The following ZNF521 variants were observed in gnomAD, a reference collection of about 807,000 sequenced individuals.
ZNF521 encodes the protein LYST-interacting protein 3.
In ZNF521, 14 loss-of-function variants were observed where a neutral mutation model predicts 105.5. The ratio of observed to expected loss-of-function variants is 0.13; its 90% CI spans 0.09 to 0.21. The LOEUF (loss-of-function observed/expected upper bound fraction) is 0.21, where lower values mean the gene tolerates loss of function less well. Among genes scored for constraint, ZNF521 ranks in the 10% least tolerant of loss-of-function variants. ZNF521 has a pLI of 1.00. For synonymous variants in ZNF521, 635 were observed against 606.0 expected (o/e 1.05, Z -0.70); for missense variants, 1,233 against 1,629.7 (o/e 0.76, Z 4.19).
chr18:25,300,052 G>C (rs1568064612), intron 3 of ZNF521, among the ~76,000 whole-genome samples: 1 of 152,142 alleles, frequency 6.6e-6, no homozygotes, highest in South Asian at 2.1e-4. Flanking sequence ...CTAAGCTTGG[G>C]CCTCAAGAGA....
chr18:25,344,085 CAT>C (rs762776174), intron 2 of ZNF521, among the ~76,000 whole-genome samples: 172 of 151,898 alleles, frequency 1.1e-3, no homozygotes, highest in Middle Eastern at 6.8e-3. Context: ...TTAAAGAATT[CAT>C]ATCTTACTGA....
intron 5 of ZNF521, among the ~76,000 whole-genome samples, chr18:25,168,316 T>C (rs1567991757): frequency 6.6e-6 from 1 of 152,218 alleles, no homozygotes; most frequent in Non-Finnish European, 1.5e-5. Flanking sequence ...CCTCAGTGCC[T>C]GCCTGGTTCC....
At chr18:25,088,557 G>A (rs774412878) in intron 7 of ZNF521, among the ~76,000 whole-genome samples, 18 of 151,870 alleles carry the variant, frequency 1.2e-4, no homozygotes, top group Non-Finnish European at 2.2e-4. Context: ...TCTCCTCCAC[G>A]GGAACCAATA....
intron 2 of ZNF521, chr18:25,345,305 A>G (rs1914412840): frequency 1.3e-5 from 2 of 152,244 alleles, no homozygotes; most frequent in South Asian, 2.1e-4. Context: ...CACTGCTGTC[A>G]GTAAGGATAA....
At chr18:25,242,258 C>T (rs567064138) in intron 3 of ZNF521, among the ~76,000 whole-genome samples, 3 of 152,258 alleles carry the variant, frequency 2.0e-5, no homozygotes, top group South Asian at 2.1e-4. Context: ...TCCACATCCC[C>T]GATCTCTTCT....
rs11875462 is a variant in ZNF521 at position 25,176,726 on chromosome 18, C to A, written c.3658+18434G>T. Among the ~76,000 whole-genome samples, 846 of 152,312 alleles carry A rather than the reference C, an allele frequency of 5.6e-3. 5 individuals carry two copies. The highest frequency in any genetic ancestry group is 0.019 in the African/African-American group (799 of 41,568). ...CTACAGGGGCTCCGAGGGATCGCAG[C>A]GTAGTGCAACAGATTACACCAGCTT... On this transcript the variant is annotated intron_variant, in intron 5 of 7. Coordinates refer to ENST00000361524, the MANE Select transcript of ZNF521 (RefSeq NM_015461.3).
At chr18:25,195,741 A>G (rs1467241407) in intron 4 of ZNF521, among the ~76,000 whole-genome samples, 5 of 151,786 alleles carry the variant, frequency 3.3e-5, no homozygotes, top group Admixed American at 2.0e-4. Flanking sequence ...ATTTTTGGCT[A>G]AAGTCTACAA....
At chr18:25,247,327 T>C (rs2144828257) in intron 3 of ZNF521, among the ~76,000 whole-genome samples, 2 of 152,298 alleles carry the variant, frequency 1.3e-5, no homozygotes, top group Admixed American at 6.5e-5. Flanking sequence ...CCACCAAGGA[T>C]GTGTTCTTTG....
chr18:25,305,222 G>A (rs530752239), intron 3 of ZNF521, among the ~76,000 whole-genome samples: 4 of 152,208 alleles, frequency 2.6e-5, no homozygotes, highest in South Asian at 2.1e-4. Flanking sequence ...TGATGCTTAC[G>A]CTTGCCTACT....
At chr18:25,155,296 C>T (rs1171437788) in intron 5 of ZNF521, among the ~76,000 whole-genome samples, 1 of 152,102 alleles carries the variant, frequency 6.6e-6, no homozygotes, top group Non-Finnish European at 1.5e-5. Flanking sequence ...ATTAATCTTG[C>T]CTATTGACCC....
chr18:25,263,696 G>A (rs888724146), intron 3 of ZNF521, among the ~76,000 whole-genome samples: 7 of 152,170 alleles, frequency 4.6e-5, no homozygotes, highest in East Asian at 3.9e-4. Context: ...CTGCGTCAGC[G>A]TCCTGAATAG....
chr18:25,308,485 G>A (rs1189998679), intron 3 of ZNF521, among the ~76,000 whole-genome samples: 2 of 151,796 alleles, frequency 1.3e-5, no homozygotes, highest in African/African-American at 4.8e-5. Context: ...GCTTAAAATT[G>A]CCCAGCAGAT....
At chr18:25,120,582 T>TAAAACAAAAA (rs1555636080) in intron 5 of ZNF521, among the ~76,000 whole-genome samples, 1 of 11,366 alleles carries the variant, frequency 8.8e-5, no homozygotes, top group African/African-American at 1.6e-4. Flanking sequence ...AAACTCCATC[T>TAAAACAAAAA]AAAAAAAAAA....
intron 7 of ZNF521, among the ~76,000 whole-genome samples, chr18:25,078,768 A>G (rs927632867): frequency 6.6e-6 from 1 of 152,216 alleles, no homozygotes; most frequent in African/African-American, 2.4e-5. Context: ...AACGTTGCAC[A>G]TTAATCTTGG....
At chr18:25,284,334 G>A (rs1910562590) in intron 3 of ZNF521, among the ~76,000 whole-genome samples, 1 of 151,780 alleles carries the variant, frequency 6.6e-6, no homozygotes, top group Non-Finnish European at 1.5e-5. Flanking sequence ...CACACTAAAC[G>A]CACTGCTCTA....
At chr18:25,261,456 T>G (rs1200982403) in intron 3 of ZNF521, among the ~76,000 whole-genome samples, 2 of 152,118 alleles carry the variant, frequency 1.3e-5, no homozygotes, top group African/African-American at 4.8e-5. Context: ...TAAGAAGGGT[T>G]TGTCTACTCG....
chr18:25,226,105 T>C lies in ZNF521; in HGVS notation c.1813A>G (p.Ser605Gly), dbSNP rs1255049465. The C allele has an allele frequency of 3.7e-6, 6 of 1,614,202 alleles. No homozygotes were observed. The highest frequency in any genetic ancestry group is 1.7e-5 in the Admixed American group (1 of 60,030). The change falls in exon 4 of 8, where the codon AGC becomes GGC. Residue 605 changes from serine to glycine, a missense_variant. Physicochemically the swap from Ser to Gly is moderately conservative, Grantham distance 56. Transcript: ENST00000361524. This position sits in a 1 kb window ranked among gnomAD's most constrained non-coding sequence, Gnocchi z 4.1. ...IHNGKKSRAL[S>G]PLSPVAIEQT... Reference sequence around the variant, plus strand: ...TCTATGGCCACAGGAGATAGGGGGCTTAAGGCCCTGGATTTCTTCCCATTG... The same window carrying C: ...TCTATGGCCACAGGAGATAGGGGGCCTAAGGCCCTGGATTTCTTCCCATTG...
chr18:25,138,144 T>C (rs2034771807), intron 5 of ZNF521, among the ~76,000 whole-genome samples: 1 of 152,094 alleles, frequency 6.6e-6, no homozygotes, highest in African/African-American at 2.4e-5. Context: ...CCCACATGCT[T>C]CATACTCTGG....
chr18:25,282,235 T>A (rs2144991879), intron 3 of ZNF521, among the ~76,000 whole-genome samples: 1 of 151,870 alleles, frequency 6.6e-6, no homozygotes, highest in South Asian at 2.1e-4. Flanking sequence ...CCCAAAACTG[T>A]TTTGGGGGGA....
Sources: gnomAD v4.1 joint callset for allele counts (sites outside exome capture counted in the v4.1 genomes callset) on GRCh38, gnomAD v4.1.1 for gene constraint, Gnocchi (gnomAD v3.1) non-coding constraint, MANE v1.5 for transcripts, NCBI Gene and HGNC (gene_info 2026-07-23, HGNC 2026-07-21) for gene names.